SV2C: variants seen among roughly 807,000 people sequenced by gnomAD.
The protein encoded by SV2C is synaptic vesicle glycoprotein 2C.
A neutral mutation model predicts 79.7 loss-of-function variants in SV2C; 49 were observed. The observed-to-expected ratio is 0.61, with a 90% CI of 0.49 to 0.78. The LOEUF is 0.78. Among genes scored for constraint, SV2C ranks in the 30% least tolerant of loss-of-function variants. The pLI, the probability that SV2C is intolerant of heterozygous loss-of-function variation, is 0.00. For missense variants in SV2C, 833 were observed against 912.9 expected, an observed-to-expected ratio of 0.91 and a Z score of 1.13; for synonymous variants, 334 against 333.2, an observed-to-expected ratio of 1.00 and a Z score of -0.03.
chr5:76,061,760 G>A, the SV2C span, among the ~76,000 whole-genome samples: 1 of 152,046 alleles, frequency 6.6e-6, no homozygotes, highest in Non-Finnish European at 1.5e-5. Flanking sequence ...ATTTAGAGAG[G>A]TATAGGAACG....
Position 76,102,059 on chromosome 5 carries a change from A to T in SV2C, c.-102+18547A>T, listed in dbSNP as rs1501905. On this transcript the variant is annotated intron_variant, in intron 1 of 12. Transcript: ENST00000502798. ...GGATCTTTGGACTTCAGTTTTGTCC[A>T]TCTTCATACCATTATCCTACCTGAA... 2.4e-3 allele frequency among the ~76,000 whole-genome samples: 366 copies of T among 152,082 alleles called. 2 individuals carry two copies. The highest frequency in any genetic ancestry group is 7.8e-3 in the African/African-American group (324 of 41,500).
chr5:76,208,760 C>T lies in SV2C; in HGVS notation c.762-976C>T, dbSNP rs142501818. Among the ~76,000 whole-genome samples the T allele has an allele frequency of 3.9e-5, 6 of 152,252 alleles. No individual in the cohort carries two copies. In the East Asian group the frequency reaches 7.7e-4, roughly 20 times the overall value. On this transcript the variant is annotated intron_variant, in intron 3 of 12. Transcript: ENST00000502798. ...AACTCTATTAGATTTTGTGTCATCT[C>T]GACAATGTACTTATGTTGTGTGTCT...
chr5:75,936,117 A>G, the SV2C span, among the ~76,000 whole-genome samples: 2 of 152,188 alleles, frequency 1.3e-5, no homozygotes. Context: ...AAGGGAGTTT[A>G]TTGAAAGGAT....
chr5:76,033,275 G>T, the SV2C span, among the ~76,000 whole-genome samples: 16,240 of 151,396 alleles, frequency 0.11, 2,759 homozygotes, highest in African/African-American at 0.36. Context: ...GTCAATTTTG[G>T]CTTTTGTTGC....
At chr5:75,883,406 G>A in the SV2C span, among the ~76,000 whole-genome samples, 1,407 of 133,534 alleles carry the variant, frequency 0.011, 10 homozygotes, top group Admixed American at 0.016. Context: ...GTTTATTGCG[G>A]CATTATTCAC....
the SV2C span, among the ~76,000 whole-genome samples, chr5:75,989,055 A>C: frequency 6.6e-6 from 1 of 151,870 alleles, no homozygotes; most frequent in Non-Finnish European, 1.5e-5. Flanking sequence ...ACATAAGTGG[A>C]GTTCTTTTTT....
chr5:76,286,136 C>T (rs1181364433), intron 6 of SV2C, among the ~76,000 whole-genome samples: 2 of 152,090 alleles, frequency 1.3e-5, no homozygotes, highest in African/African-American at 4.8e-5. Context: ...ATCTAGGACT[C>T]GAGGGCTCTG....
At chr5:76,297,939 A>ATAAAG (rs1166214666) in intron 9 of SV2C, among the ~76,000 whole-genome samples, 2 of 152,128 alleles carry the variant, frequency 1.3e-5, no homozygotes, top group African/African-American at 4.8e-5. Flanking sequence ...TAGTCTCTTA[A>ATAAAG]TAAAGTACCA....
At chr5:76,067,248 C>CT in the SV2C span, among the ~76,000 whole-genome samples, 31 of 150,304 alleles carry the variant, frequency 2.1e-4, no homozygotes, top group Admixed American at 4.0e-4. Context: ...TTACTGAGGT[C>CT]TTTTTTTTTC....
the SV2C span, among the ~76,000 whole-genome samples, chr5:75,898,407 A>G: frequency 6.6e-6 from 1 of 152,174 alleles, no homozygotes; most frequent in Non-Finnish European, 1.5e-5. Flanking sequence ...CTTGCATCCC[A>G]GAGATGAAGC....
intron 4 of SV2C, among the ~76,000 whole-genome samples, chr5:76,210,705 T>C (rs1744742877): frequency 6.6e-6 from 1 of 152,012 alleles, no homozygotes; most frequent in Non-Finnish European, 1.5e-5. Context: ...AGGATGGGGG[T>C]GGAGCTGAAA....
the SV2C span, among the ~76,000 whole-genome samples, chr5:76,034,800 A>G: frequency 6.6e-6 from 1 of 152,110 alleles, no homozygotes; most frequent in South Asian, 2.1e-4. Context: ...TTTTCTATTG[A>G]TTGGAATAGT....
rs1749394693 is a variant in SV2C at position 76,339,427 on chromosome 5, TC to T, written c.2001-13702del. ...GTTGTTTGGTTTTTTTTAAGATTTC[TC>T]ATTTCAATGGGCATGGTGGCTCACG... is the stretch of plus-strand genomic sequence containing the variant. On this transcript the variant is annotated intron_variant, in intron 12 of 12. Coordinates refer to the SV2C transcript ENST00000322285. Among the ~76,000 whole-genome samples, 4 of 152,262 alleles carry T rather than the reference TC, an allele frequency of 2.6e-5. No homozygotes were observed. In the South Asian group the frequency reaches 8.3e-4, roughly 32 times the overall value.
At chr5:75,975,646 G>C in the SV2C span, among the ~76,000 whole-genome samples, 2 of 152,156 alleles carry the variant, frequency 1.3e-5, no homozygotes, top group South Asian at 4.1e-4. Context: ...CTCGCAACAG[G>C]AAGGACATTC....
intron 1 of SV2C, among the ~76,000 whole-genome samples, chr5:76,104,445 C>A (rs980500511): frequency 6.6e-6 from 1 of 152,132 alleles, no homozygotes; most frequent in Non-Finnish European, 1.5e-5. Context: ...TATTCAGAGG[C>A]CTGATAATGG....
the SV2C span, among the ~76,000 whole-genome samples, chr5:75,899,186 G>C: frequency 1.2e-4 from 18 of 152,210 alleles, no homozygotes; most frequent in East Asian, 1.7e-3. Context: ...GATCTTTCCT[G>C]CTTTCTCTTG....
intron 2 of SV2C, among the ~76,000 whole-genome samples, chr5:76,140,501 T>C (rs1251949389): frequency 6.6e-6 from 1 of 152,104 alleles, no homozygotes; most frequent in Non-Finnish European, 1.5e-5. Flanking sequence ...CAGCTTCAAG[T>C]TTCTAAGATT....
chr5:75,896,104 G>T, the SV2C span, among the ~76,000 whole-genome samples: 2 of 151,468 alleles, frequency 1.3e-5, no homozygotes, highest in Non-Finnish European at 2.9e-5. Context: ...GGGTACATGT[G>T]CACAATGTGC....
chr5:76,020,764 A>G, the SV2C span, among the ~76,000 whole-genome samples: 5 of 152,110 alleles, frequency 3.3e-5, no homozygotes, highest in Non-Finnish European at 7.4e-5. Context: ...ATGTAAGTGG[A>G]AGTGCTGGGT....
Sources: allele counts gnomAD v4.1 joint callset (sites outside exome capture counted in the v4.1 genomes callset), GRCh38; gene constraint gnomAD v4.1.1; transcripts MANE v1.5; gene names NCBI Gene and HGNC (gene_info 2026-07-23, HGNC 2026-07-21).